KALRN: variants seen among roughly 807,000 people sequenced by gnomAD.
KALRN encodes the protein kalirin RhoGEF kinase.
KALRN carries 70 observed loss-of-function variants against 353.7 expected under a neutral mutation model. That is an observed-to-expected ratio of 0.20 (90% CI 0.16 to 0.24). KALRN has a LOEUF of 0.24. KALRN is among the 10% of genes least tolerant of loss of function. The probability of loss-of-function intolerance (pLI) is 1.00; values close to 1 mark genes in which losing one functional copy is unlikely to be tolerated. For missense variants in KALRN, 2,791 were observed against 3,756.7 expected (o/e 0.74, Z 6.72); for synonymous variants, 1,391 against 1,434.8 (o/e 0.97, Z 0.69).
At position 124,717,272 on chromosome 3, in the gene KALRN, T is replaced by C; in HGVS notation, c.8302T>C (p.Tyr2768His). Residue 2768 changes from tyrosine (Y) to histidine (H), a missense_variant, in exon 59 of 60, where the codon TAC (tyrosine) becomes CAC (histidine). Transcript: ENST00000682506. ...GATGGATGATGGCCGGCTCTTAGAC[T>C]ACCTTATGAATCATGATGAACTGAT... ...ELMDDGRLLD[Y>H]LMNHDELMEE... The C allele has an allele frequency of 6.2e-7, 1 of 1,608,872 alleles. No homozygotes were observed. Among genetic ancestry groups the C allele is most frequent in the Non-Finnish European group, 8.5e-7 (1 of 1,178,012 alleles).
intron 21 of KALRN, among the ~76,000 whole-genome samples, chr3:124,454,178 G>C (rs1224106014): frequency 2.0e-5 from 3 of 152,238 alleles, no homozygotes; most frequent in African/African-American, 7.2e-5. Context: ...CAGGGACAGA[G>C]TTAACTCTTA....
intron 53 of KALRN, 78 bp downstream of exon 53, chr3:124,694,581 C>A: frequency 1.4e-6 from 2 of 1,404,086 alleles, no homozygotes; most frequent in Non-Finnish European, 2.0e-6. Flanking sequence ...TGGGGTGCAA[C>A]TTCTGCTCTG....
chr3:124,458,402 C>A (rs1400678448), intron 23 of KALRN, among the ~76,000 whole-genome samples: 2 of 151,682 alleles, frequency 1.3e-5, no homozygotes, highest in Non-Finnish European at 2.9e-5. Flanking sequence ...TCTTTAAAAT[C>A]CAGCTCATAT....
chr3:124,181,076 C>CGAAAAAA (rs2073512012), intron 1 of KALRN, among the ~76,000 whole-genome samples: 1 of 55,260 alleles, frequency 1.8e-5, no homozygotes, highest in Non-Finnish European at 3.2e-5. Context: ...ACTAAAAATA[C>CGAAAAAA]AAAAAAAAAA....
At chr3:124,432,777 T>A (rs1179367008) in intron 16 of KALRN, among the ~76,000 whole-genome samples, 1 of 152,248 alleles carries the variant, frequency 6.6e-6, no homozygotes, top group East Asian at 1.9e-4. Flanking sequence ...AGAGGCTCAC[T>A]AAGCATAAAC....
intron 34 of KALRN, among the ~76,000 whole-genome samples, chr3:124,574,236 A>C (rs1223359203): frequency 1.3e-5 from 2 of 152,194 alleles, no homozygotes; most frequent in African/African-American, 4.8e-5. Flanking sequence ...TCCTTCTCTA[A>C]ATACAACTCA....
Position 124,068,490 on chromosome 3 carries a change from A to G in KALRN, c.73+34677A>G, listed in dbSNP as rs1388332031. ...AGGATTCTTTTTTGCTGAGTGTGCT[A>G]TAGAGTGAGATTTAATCTTTAGAGT... On this transcript the variant is annotated intron_variant, in intron 1 of 59. Transcript: ENST00000682506. Among the ~76,000 whole-genome samples the G allele has an allele frequency of 3.3e-5, 5 of 152,312 alleles. No homozygotes were observed. The East Asian group carries it at 9.7e-4, about 29-fold the overall frequency.
At chr3:124,674,323 G>A (rs750370106) in intron 48 of KALRN, 41 bp from the exon 49 acceptor site, 42 of 1,584,802 alleles carry the variant, frequency 2.7e-5, no homozygotes, top group Middle Eastern at 1.8e-4. Flanking sequence ...GTGAACTAGC[G>A]TCCTTGTGTT....
At chr3:124,152,035 C>G in intron 1 of KALRN, 1 of 1,473,484 alleles carries the variant, frequency 6.8e-7, no homozygotes, top group Non-Finnish European at 9.4e-7. Flanking sequence ...AATGGATGGT[C>G]TTTTTCTTCA....
At chr3:124,706,005 G>A (rs548673638) in intron 57 of KALRN, among the ~76,000 whole-genome samples, 1 of 151,984 alleles carries the variant, frequency 6.6e-6, no homozygotes, top group Non-Finnish European at 1.5e-5. Flanking sequence ...TTGACCTCCT[G>A]GGCTCAAGTG....
chr3:124,662,537 G>T (rs1490222481), intron 45 of KALRN, among the ~76,000 whole-genome samples: 4 of 152,150 alleles, frequency 2.6e-5, no homozygotes, highest in Non-Finnish European at 4.4e-5. Context: ...TGATAGAAGT[G>T]GAATTAGGCA....
chr3:124,433,445 A>C (rs896819600), intron 16 of KALRN, among the ~76,000 whole-genome samples: 1 of 151,780 alleles, frequency 6.6e-6, no homozygotes, highest in Admixed American at 6.6e-5. Context: ...AAAATTAGCC[A>C]AGTGTGATGG....
intron 1 of KALRN, among the ~76,000 whole-genome samples, chr3:124,190,550 C>T (rs1174659826): frequency 6.6e-6 from 1 of 152,154 alleles, no homozygotes; most frequent in African/African-American, 2.4e-5. Flanking sequence ...CATAATTTTG[C>T]ACCGCAAGAA....
At chr3:124,591,947 C>G (rs2075818762) in intron 34 of KALRN, among the ~76,000 whole-genome samples, 1 of 152,064 alleles carries the variant, frequency 6.6e-6, no homozygotes, top group South Asian at 2.1e-4. Flanking sequence ...AATAAAAAAC[C>G]ACATAACACT....
chr3:124,194,473 ACTAC>A (rs139450072), intron 1 of KALRN, among the ~76,000 whole-genome samples: 9,255 of 152,122 alleles, frequency 0.061, 371 homozygotes, highest in Middle Eastern at 0.14. Context: ...TAGTGATAGA[ACTAC>A]CTACTGCATG....
intron 11 of KALRN, among the ~76,000 whole-genome samples, chr3:124,394,537 G>A (rs749565707): frequency 1.3e-5 from 2 of 152,098 alleles, no homozygotes; most frequent in East Asian, 1.9e-4. Flanking sequence ...TTATCATCTT[G>A]AATATTATGG....
At chr3:124,219,143 G>T (rs78324758) in intron 1 of KALRN, among the ~76,000 whole-genome samples, 1 of 152,178 alleles carries the variant, frequency 6.6e-6, no homozygotes, top group Non-Finnish European at 1.5e-5. Context: ...CTCTGCCTCT[G>T]GGTCACCCAT....
At chr3:124,344,468 A>G (rs998027817) in intron 9 of KALRN, among the ~76,000 whole-genome samples, 4 of 152,394 alleles carry the variant, frequency 2.6e-5, no homozygotes, top group East Asian at 3.9e-4. Flanking sequence ...GTATCATGCA[A>G]TGATGGCTCT....
intron 1 of KALRN, among the ~76,000 whole-genome samples, chr3:124,100,937 A>T (rs1318350706): frequency 6.6e-6 from 1 of 152,224 alleles, no homozygotes; most frequent in Non-Finnish European, 1.5e-5. Context: ...GCTTGTTGTC[A>T]TCCTTTAACA....
Sources: gnomAD v4.1 joint callset for allele counts (sites outside exome capture counted in the v4.1 genomes callset) on GRCh38, gnomAD v4.1.1 for gene constraint, MANE v1.5 for transcripts, NCBI Gene and HGNC (gene_info 2026-07-23, HGNC 2026-07-21) for gene names.